Variants in GRB2 observed in about 807,000 individuals in gnomAD.
GRB2 encodes the protein growth factor receptor bound protein 2.
GRB2 carries 2 observed loss-of-function variants against 27.4 expected under a neutral mutation model. The ratio of observed to expected loss-of-function variants is 0.07; its 90% confidence interval spans 0.03 to 0.23. The LOEUF (loss-of-function observed/expected upper bound fraction) is 0.23. Among genes scored for constraint, GRB2 ranks in the 10% least tolerant of loss-of-function variants. The probability of loss-of-function intolerance (pLI) is 1.00; values close to 1 mark genes in which losing one functional copy is unlikely to be tolerated. For synonymous variants in GRB2, 94 were observed against 99.6 expected (o/e 0.94, Z 0.33); for missense variants, 102 against 282.4 (o/e 0.36, Z 4.58).
At chr17:75,327,176 C>G (rs1474672126) in intron 3 of GRB2, among the ~76,000 whole-genome samples, 2 of 149,106 alleles carry the variant, frequency 1.3e-5, no homozygotes, top group African/African-American at 2.5e-5. Context: ...ACGCCATTCT[C>G]CTGCCTCAGC....
intron 2 of GRB2, among the ~76,000 whole-genome samples, chr17:75,379,505 C>G (rs1356258729): frequency 6.6e-6 from 1 of 151,910 alleles, no homozygotes; most frequent in Non-Finnish European, 1.5e-5. Flanking sequence ...CTCAAGCAGT[C>G]TTCCCACCTT....
chr17:75,402,909 C>G (rs2079072361), intron 1 of GRB2, among the ~76,000 whole-genome samples: 1 of 151,386 alleles, frequency 6.6e-6, no homozygotes, highest in Non-Finnish European at 1.5e-5. Flanking sequence ...AACCCTGTCT[C>G]TACTAAAAAT....
intron 2 of GRB2, among the ~76,000 whole-genome samples, chr17:75,363,069 T>C (rs1253756081): frequency 6.6e-6 from 1 of 152,142 alleles, no homozygotes; most frequent in African/African-American, 2.4e-5. Context: ...AGCAGACAGT[T>C]TGTTCTGGAC....
rs1170570570 is a variant in GRB2, at chr17:75,355,816, C to CTT, written c.79-23021_79-23020dup. Among the ~76,000 whole-genome samples, 250 of 115,674 alleles carry CTT rather than the reference C, an allele frequency of 2.2e-3. 3 individuals carry two copies. Among genetic ancestry groups the CTT allele is most frequent in the East Asian group, 5.1e-3 (21 of 4,100 alleles). 75.9% of individuals were successfully genotyped at this position (115,674 alleles called of 152,430 possible). ...TGATGTATCTTAATTTTCCTTTCTT[C>CTT]TTTTTTTTTTTTTTTTTTTTTTAAA... is the stretch of plus-strand genomic sequence containing the variant. On this transcript the variant is annotated intron_variant, in intron 2 of 5. Coordinates refer to ENST00000316804, the MANE Select transcript of GRB2 (RefSeq NM_002086.5).
At chr17:75,385,023 C>T (rs533293573) in intron 2 of GRB2, among the ~76,000 whole-genome samples, 1 of 82,766 alleles carries the variant, frequency 1.2e-5, no homozygotes, top group African/African-American at 4.5e-5. Context: ...GACCTCCTGG[C>T]TCTACCAAAA....
At chr17:75,401,401 C>T (rs1180373024) in intron 1 of GRB2, among the ~76,000 whole-genome samples, 1 of 143,162 alleles carries the variant, frequency 7.0e-6, no homozygotes, top group Non-Finnish European at 1.5e-5. Flanking sequence ...GCCGAGATTG[C>T]GCCACTGCAG....
chr17:75,344,042 C>T (rs963215054), intron 2 of GRB2, among the ~76,000 whole-genome samples: 1 of 152,072 alleles, frequency 6.6e-6, no homozygotes, highest in Admixed American at 6.6e-5. Flanking sequence ...CACAGTGTGA[C>T]GAATGTCAGG....
chr17:75,320,144 T>G lies in GRB2; in HGVS notation c.*224A>C, dbSNP rs139933285. 6.4e-6 allele frequency: 3 copies of G among 468,856 alleles called. No homozygotes were observed. Among genetic ancestry groups the G allele is most frequent in the South Asian group, 6.2e-5 (2 of 32,358 alleles). 29.0% of individuals were successfully genotyped at this position (468,856 alleles called of 1,614,324 possible). A position where few individuals can be genotyped will look rare whatever the true frequency, so the allele number is the denominator to read the frequency against. ...GGGAAAGAGGAGCAGCAGTGAAAATTTGTAATAAAAACTCTTCTTAATTTA... is the reference window on the plus strand; with the variant it reads ...GGGAAAGAGGAGCAGCAGTGAAAATGTGTAATAAAAACTCTTCTTAATTTA... On this transcript the variant is annotated 3_prime_UTR_variant, in exon 6 of 6. Coordinates refer to ENST00000316804, the MANE Select transcript of GRB2 (RefSeq NM_002086.5). This position sits in a 1 kb window ranked among gnomAD's most constrained non-coding sequence, Gnocchi z 4.3.
Position 75,332,500 on chromosome 17 carries a change from T to G in GRB2, c.176+200A>C, listed in dbSNP as rs566905510. 3.9e-5 allele frequency among the ~76,000 whole-genome samples: 6 copies of G among 152,360 alleles called. No homozygotes were observed. The South Asian group carries it at 1.2e-3, about 32-fold the overall frequency. ...ATTTTTGAAGATCACTGACAGTTATTATCAATCTAAAACATATAATATTAT... is the reference window on the plus strand; with the variant it reads ...ATTTTTGAAGATCACTGACAGTTATGATCAATCTAAAACATATAATATTAT... On this transcript the variant is annotated intron_variant, in intron 3 of 5. Transcript: ENST00000316804.
At chr17:75,395,277 C>G (rs1244398503) in intron 1 of GRB2, among the ~76,000 whole-genome samples, 2 of 152,156 alleles carry the variant, frequency 1.3e-5, no homozygotes, top group African/African-American at 4.8e-5. Context: ...CATTCTGCTG[C>G]AGGTAACTAA....
At position 75,318,853 on chromosome 17, in the gene GRB2, T is replaced by C. The variant is rs550044557; in HGVS notation, c.*1515A>G. On this transcript the variant is annotated 3_prime_UTR_variant, in exon 6 of 6. Coordinates refer to ENST00000316804, the MANE Select transcript of GRB2 (RefSeq NM_002086.5). ...CTCACTGTGTACCCCAGCATAGGAA[T>C]AGTGAAACCTGCTACAACTGGAGGC... 6.6e-6 allele frequency: 1 copy of C among 151,930 alleles called. No individual in the cohort carries two copies. The highest frequency in any genetic ancestry group is 1.9e-4 in the East Asian group (1 of 5,144). The allele number at this position is 151,930 out of a possible 1,614,324, so 9.4% of individuals were successfully genotyped here. A position where few individuals can be genotyped will look rare whatever the true frequency, so the allele number is the denominator to read the frequency against.
chr17:75,330,308 G>A (rs958937869), intron 3 of GRB2, among the ~76,000 whole-genome samples: 2 of 151,952 alleles, frequency 1.3e-5, no homozygotes, highest in African/African-American at 2.4e-5. Context: ...CTTGAACCAG[G>A]GAGTTGGGGG....
At chr17:75,338,725 G>C (rs1423752797) in intron 2 of GRB2, 1 of 502,020 alleles carries the variant, frequency 2.0e-6, no homozygotes, top group East Asian at 3.9e-5. Flanking sequence ...AATGTTAAGA[G>C]CCCAAATCAG....
At chr17:75,383,835 G>C (rs2078945452) in intron 2 of GRB2, among the ~76,000 whole-genome samples, 1 of 152,116 alleles carries the variant, frequency 6.6e-6, no homozygotes, top group Non-Finnish European at 1.5e-5. Context: ...CTGGGTGACA[G>C]AGCGAGACTC....
chr17:75,400,937 G>A (rs111881008), intron 1 of GRB2, among the ~76,000 whole-genome samples: 3,260 of 151,410 alleles, frequency 0.022, 126 homozygotes, highest in African/African-American at 0.074. Context: ...TGTGTATGGA[G>A]TATCTACATA....
At position 75,328,763 on chromosome 17, in the gene GRB2, C is replaced by G. The variant is rs912748164; in HGVS notation, c.177-2743G>C. Among the ~76,000 whole-genome samples the G allele has an allele frequency of 6.6e-5, 10 of 152,020 alleles. No individual in the cohort carries two copies. In the East Asian group the frequency reaches 1.6e-3, roughly 24 times the overall value. ...ACCAACCTGGCTAACACGGTGAAACCCTGTCTTTACTAAAAATACAAAAAA... is the reference window on the plus strand; with the variant it reads ...ACCAACCTGGCTAACACGGTGAAACGCTGTCTTTACTAAAAATACAAAAAA... On this transcript the variant is annotated intron_variant, in intron 3 of 5. Transcript: ENST00000316804.
At chr17:75,382,124 G>A (rs1263825946) in intron 2 of GRB2, among the ~76,000 whole-genome samples, 3 of 151,882 alleles carry the variant, frequency 2.0e-5, no homozygotes, top group Non-Finnish European at 4.4e-5. Flanking sequence ...TTGGAAGGCT[G>A]AGGCAGAAAA....
intron 2 of GRB2, among the ~76,000 whole-genome samples, chr17:75,380,810 T>C (rs939493675): frequency 2.0e-5 from 3 of 152,242 alleles, no homozygotes; most frequent in African/African-American, 7.2e-5. Context: ...TCAAGCATCT[T>C]ACATGCTGAG....
intron 2 of GRB2, chr17:75,338,684 T>C (rs2078598283): frequency 2.7e-6 from 1 of 367,226 alleles, no homozygotes; most frequent in East Asian, 6.3e-5. Flanking sequence ...CTTTTTGTTT[T>C]TTGGTTTTTT....
Sources: allele counts gnomAD v4.1 joint callset (sites outside exome capture counted in the v4.1 genomes callset), GRCh38; gene constraint gnomAD v4.1.1; non-coding constraint Gnocchi (gnomAD v3.1); transcripts MANE v1.5; gene names NCBI Gene and HGNC (gene_info 2026-07-23, HGNC 2026-07-21).